The following DST variants were observed in gnomAD, a reference collection of about 807,000 sequenced individuals.
The protein encoded by DST is bullous pemphigoid antigen.
In DST, 253 loss-of-function variants were observed where a neutral mutation model predicts 875.2. The observed-to-expected ratio is 0.29, with a 90% CI of 0.26 to 0.32. DST has a LOEUF of 0.32. Ranked by LOEUF, DST falls within the 10% of genes least tolerant of loss-of-function variation. The pLI, the probability that DST is intolerant of heterozygous loss-of-function variation, is 1.00. For missense variants in DST, 8,287 were observed against 9,111.6 expected, an observed-to-expected ratio of 0.91 and a Z score of 3.68; for synonymous variants, 3,124 against 3,197.1, an observed-to-expected ratio of 0.98 and a Z score of 0.77.
chr6:56,580,900 T>C (rs571131357), intron 49 of DST, among the ~76,000 whole-genome samples: 2 of 151,122 alleles, frequency 1.3e-5, no homozygotes, highest in Non-Finnish European at 3.0e-5. Flanking sequence ...GCCCAGCTAA[T>C]TTTTTTGTAT....
chr6:56,722,233 TA>T (rs1418337293), intron 5 of DST, among the ~76,000 whole-genome samples: 2 of 152,234 alleles, frequency 1.3e-5, no homozygotes. Context: ...CATTAGTCAT[TA>T]TCAGCCCTTA....
intron 2 of DST, among the ~76,000 whole-genome samples, chr6:56,908,588 T>C (rs1797498164): frequency 6.6e-6 from 1 of 152,158 alleles, no homozygotes; most frequent in Non-Finnish European, 1.5e-5. Context: ...CAGAGGCGTT[T>C]GAACCAGAGC....
At position 56,552,662 on chromosome 6, in the gene DST, A is replaced by G. The variant is rs1196556041; in HGVS notation, c.16130T>C (p.Leu5377Ser). 3 of 1,613,910 alleles carry G rather than the reference A, an allele frequency of 1.9e-6. No individual in the cohort carries two copies. The highest frequency in any genetic ancestry group is 2.2e-5 in the East Asian group (1 of 44,882). ...SQQVDEKCSF[L>S]ETKLQGIGHF... Reference sequence around the variant, plus strand: ...CCCAATGCCCTGAAGCTTGGTTTCTAAGAAAGAACACTTTTCATCAACCTG... The same window carrying G: ...CCCAATGCCCTGAAGCTTGGTTTCTGAGAAAGAACACTTTTCATCAACCTG... Residue 5377 changes from leucine (L) to serine (S), a missense_variant, in exon 61 of 104, where the codon TTA becomes TCA. Transcript: ENST00000680361.
chr6:56,460,707 G>A (rs552171626), intron 102 of DST: 25 of 152,818 alleles, frequency 1.6e-4, no homozygotes, highest in African/African-American at 5.5e-4. Flanking sequence ...TATGGAGCCA[G>A]GCAGAGACAG....
At chr6:56,672,498 T>TA (rs57553521) in intron 9 of DST, among the ~76,000 whole-genome samples, 1 of 152,168 alleles carries the variant, frequency 6.6e-6, no homozygotes, top group Non-Finnish European at 1.5e-5. Flanking sequence ...CTTTTTTTTT[T>TA]ATGTGACAAA....
chr6:56,616,737 T>C (rs746985473), intron 36 of DST: 2 of 1,614,040 alleles, frequency 1.2e-6, no homozygotes, highest in African/African-American at 1.3e-5. Context: ...GCTTCCAAGA[T>C]ATGTTTACCT....
At chr6:56,950,269 T>C (rs896552057) in intron 2 of DST, among the ~76,000 whole-genome samples, 1 of 152,208 alleles carries the variant, frequency 6.6e-6, no homozygotes, top group Non-Finnish European at 1.5e-5. Flanking sequence ...TCCTTCCTTA[T>C]GTCAGACAAG....
At position 56,600,220 on chromosome 6, in the gene DST, A is replaced by G. The variant is rs1450393806; in HGVS notation, c.11543T>C (p.Ile3848Thr). ...ATACTCCTGCTGACGCTCTGCTACA[A>G]TCTAAAGTGAAGAAAACCCAAAACA... ...HLEQDLDDQK[I>T]VAERQQEYKE... The change falls in exon 45 of 104, where the codon ATT becomes ACT. Residue 3848 changes from isoleucine (I) to threonine (T), a missense_variant and splice_region_variant. By Grantham distance (89) the Ile-to-Thr change is moderately conservative. Around this residue, in one of 10 missense-constraint regions of DST, gnomAD observed 3,138 missense variants for 3,116.6 expected, o/e 1.01. Transcript: ENST00000680361. 6.2e-7 allele frequency: 1 copy of G among 1,610,676 alleles called. No individual in the cohort carries two copies. Among genetic ancestry groups the G allele is most frequent in the South Asian group, 1.1e-5 (1 of 90,368 alleles).
chr6:56,515,416 G>T (rs1414045550), intron 72 of DST, 34 bp downstream of exon 72: 1 of 1,601,810 alleles, frequency 6.2e-7, no homozygotes, highest in Non-Finnish European at 8.5e-7. Context: ...TCTTTTAATG[G>T]GGAATACAAT....
intron 2 of DST, among the ~76,000 whole-genome samples, chr6:56,910,848 A>C (rs1453227641): frequency 6.6e-6 from 1 of 152,206 alleles, no homozygotes; most frequent in African/African-American, 2.4e-5. Flanking sequence ...ATATTGACTG[A>C]TATTATATCA....
At chr6:56,710,690 A>T (rs1054303894) in intron 5 of DST, among the ~76,000 whole-genome samples, 16 of 152,186 alleles carry the variant, frequency 1.1e-4, no homozygotes, top group South Asian at 2.1e-4. Context: ...AAAACATTGT[A>T]TTATCTTAGG....
At chr6:56,466,366 C>A in intron 98 of DST, 171 bp from the exon 99 acceptor site, 1 of 410,512 alleles carries the variant, frequency 2.4e-6, no homozygotes. Context: ...TAGACGGCTG[C>A]ATGCTGATTT....
intron 88 of DST, chr6:56,484,428 TA>T (rs1465793480): frequency 2.0e-5 from 3 of 152,082 alleles, no homozygotes; most frequent in Non-Finnish European, 4.4e-5. Flanking sequence ...GAAAAATAAA[TA>T]TGTAATAAGA....
intron 15 of DST, among the ~76,000 whole-genome samples, chr6:56,643,479 G>T (rs1291127303): frequency 6.6e-6 from 1 of 152,142 alleles, no homozygotes; most frequent in Non-Finnish European, 1.5e-5. Context: ...GAATACTGAT[G>T]CAATGCTTAC....
intron 39 of DST, among the ~76,000 whole-genome samples, chr6:56,609,818 C>A (rs1386693303): frequency 6.6e-6 from 1 of 152,058 alleles, no homozygotes; most frequent in East Asian, 1.9e-4. Context: ...TTGTTACATA[C>A]CCCCAAAATG....
intron 72 of DST, 24 bp downstream of exon 72, chr6:56,515,426 T>C: frequency 5.6e-6 from 9 of 1,611,074 alleles, no homozygotes; most frequent in Non-Finnish European, 6.8e-6. Context: ...GGGAATACAA[T>C]ATTCTCTTTC....
chr6:56,891,711 G>A (rs921137426), intron 3 of DST, among the ~76,000 whole-genome samples: 1 of 151,802 alleles, frequency 6.6e-6, no homozygotes, highest in Non-Finnish European at 1.5e-5. Context: ...TCCAGCCTGG[G>A]TGACAGAGCA....
At chr6:56,554,245 C>T (rs945194618) in intron 60 of DST, among the ~76,000 whole-genome samples, 9 of 151,722 alleles carry the variant, frequency 5.9e-5, no homozygotes, top group South Asian at 4.2e-4. Context: ...CCACCACGCC[C>T]GGCTAATTTT....
chr6:56,606,019 T>G lies in DST; in HGVS notation c.8609A>C (p.Glu2870Ala). The change falls in exon 40 of 104, where the codon GAA becomes GCA. Residue 2870 changes from glutamate to alanine, a missense_variant. By Grantham distance (107) the Glu-to-Ala change is moderately radical. Around this residue, in one of 10 missense-constraint regions of DST, gnomAD observed 3,138 missense variants for 3,116.6 expected, o/e 1.01. Transcript: ENST00000680361. ...TACAACATTTACCCTTTGCTGTTTTTCTAAAGAGCTACAACTGTGCATTTT... is the reference window on the plus strand; with the variant it reads ...TACAACATTTACCCTTTGCTGTTTTGCTAAAGAGCTACAACTGTGCATTTT... ...LDKMHSCSSL[E>A]KQQRVNVVQL... 1 of 1,612,766 alleles carries G rather than the reference T, an allele frequency of 6.2e-7. No homozygotes were observed. Among genetic ancestry groups the G allele is most frequent in the South Asian group, 1.1e-5 (1 of 91,038 alleles).
Sources: gnomAD v4.1 joint callset for allele counts (sites outside exome capture counted in the v4.1 genomes callset) on GRCh38, gnomAD v4.1.1 for gene constraint, gnomAD v4.1.1 regional missense constraint, MANE v1.5 for transcripts, NCBI Gene and HGNC (gene_info 2026-07-23, HGNC 2026-07-21) for gene names.